The following GRIK2 variants were observed in gnomAD, a reference collection of about 807,000 sequenced individuals.
The protein encoded by GRIK2 is glutamate ionotropic receptor kainate type subunit 2.
In GRIK2, 32 loss-of-function variants were observed where a neutral mutation model predicts 100.3. That is an observed-to-expected ratio of 0.32 (90% CI 0.24 to 0.43). The LOEUF (loss-of-function observed/expected upper bound fraction) is 0.43. GRIK2 is among the 20% of genes least tolerant of loss of function. GRIK2 has a pLI of 1.00. For missense variants in GRIK2, 843 were observed against 1,114.9 expected (o/e 0.76, Z 3.47); for synonymous variants, 417 against 389.4 (o/e 1.07, Z -0.83).
chr6:101,702,261 A>T lies in GRIK2; in HGVS notation c.951+15908A>T, dbSNP rs539060912. Among the ~76,000 whole-genome samples, 90 of 152,148 alleles carry T rather than the reference A, an allele frequency of 5.9e-4. No homozygotes were observed. The South Asian group carries it at 0.018, about 30-fold the overall frequency. On this transcript the variant is annotated intron_variant, in intron 7 of 16. Transcript: ENST00000369134. Reference sequence around the variant, plus strand: ...ACTTAAAAGAAACAAGTTGAAAATCATGGATAATCCATTATGTTTGGAGCT... The same window carrying T: ...ACTTAAAAGAAACAAGTTGAAAATCTTGGATAATCCATTATGTTTGGAGCT...
chr6:101,811,852 AAAG>A (rs1025568556), intron 9 of GRIK2, among the ~76,000 whole-genome samples: 34 of 151,766 alleles, frequency 2.2e-4, no homozygotes, highest in Admixed American at 9.2e-4. Flanking sequence ...AATAAACAAT[AAAG>A]AAGCAACTAA....
At chr6:101,557,726 A>G (rs1293399367) in intron 2 of GRIK2, among the ~76,000 whole-genome samples, 1 of 152,076 alleles carries the variant, frequency 6.6e-6, no homozygotes, top group Non-Finnish European at 1.5e-5. Flanking sequence ...TTCTACTGAG[A>G]TACTTTCTTT....
intron 16 of GRIK2, among the ~76,000 whole-genome samples, chr6:102,057,851 G>A (rs1389541523): frequency 6.6e-6 from 1 of 151,524 alleles, no homozygotes; most frequent in East Asian, 1.9e-4. Flanking sequence ...ATTTTACCTT[G>A]CAAACTCTCA....
chr6:101,666,172 C>A (rs1168714111), intron 4 of GRIK2, among the ~76,000 whole-genome samples: 2 of 152,098 alleles, frequency 1.3e-5, no homozygotes, highest in Non-Finnish European at 2.9e-5. Flanking sequence ...CTCATGGATA[C>A]AATTTATAGC....
At chr6:101,917,929 A>G (rs540485471) in intron 12 of GRIK2, among the ~76,000 whole-genome samples, 16 of 151,582 alleles carry the variant, frequency 1.1e-4, no homozygotes, top group African/African-American at 3.9e-4. Flanking sequence ...TATTCCTCGT[A>G]CTAGAATGTT....
At chr6:101,941,521 A>G (rs1409087561) in intron 14 of GRIK2, among the ~76,000 whole-genome samples, 1 of 152,114 alleles carries the variant, frequency 6.6e-6, no homozygotes, top group East Asian at 1.9e-4. Context: ...AGTAAAAAAA[A>G]GAAACAAGGA....
At chr6:101,864,426 A>T (rs192278817) in intron 11 of GRIK2, among the ~76,000 whole-genome samples, 393 of 152,222 alleles carry the variant, frequency 2.6e-3, no homozygotes, top group Middle Eastern at 6.8e-3. Context: ...ATAAATACAA[A>T]TTTTTCCTTT....
intron 2 of GRIK2, among the ~76,000 whole-genome samples, chr6:101,620,986 G>A (rs1281322931): frequency 6.6e-6 from 1 of 152,104 alleles, no homozygotes; most frequent in Non-Finnish European, 1.5e-5. Context: ...ATACTCTATG[G>A]CCAAAATTAT....
At chr6:101,938,898 G>A (rs188320505) in intron 14 of GRIK2, among the ~76,000 whole-genome samples, 232 of 152,082 alleles carry the variant, frequency 1.5e-3, no homozygotes, top group African/African-American at 5.5e-3. Context: ...TTATGCTTCT[G>A]ATTGTCATTA....
chr6:101,468,708 T>A (rs930169381), intron 2 of GRIK2, among the ~76,000 whole-genome samples: 5 of 152,172 alleles, frequency 3.3e-5, no homozygotes, highest in Non-Finnish European at 7.4e-5. Context: ...GATCCTAGTA[T>A]AACTTAACAA....
At chr6:102,023,742 G>A (rs767669716) in intron 14 of GRIK2, among the ~76,000 whole-genome samples, 1 of 151,502 alleles carries the variant, frequency 6.6e-6, no homozygotes, top group Non-Finnish European at 1.5e-5. Flanking sequence ...ATGCTGTGCT[G>A]CTTCAGATTC....
Position 102,069,337 on chromosome 6 carries a change from T to A in GRIK2, c.*826T>A, listed in dbSNP as rs1043659995. ...ATAATAATAATAATAATAATAATAA[T>A]AAAAGCAGTTGGTTCAGTGATTCTG... On this transcript the variant is annotated 3_prime_UTR_variant, in exon 17 of 17. Transcript: ENST00000369134. 2.8e-5 allele frequency: 4 copies of A among 141,494 alleles called. No homozygotes were observed. Among genetic ancestry groups the A allele is most frequent in the Admixed American group, 7.1e-5 (1 of 14,104 alleles). The allele number at this position is 141,494 out of a possible 1,614,324, so 8.8% of individuals were successfully genotyped here. A position where few individuals can be genotyped will look rare whatever the true frequency, so the allele number is the denominator to read the frequency against.
intron 2 of GRIK2, among the ~76,000 whole-genome samples, chr6:101,601,475 T>C (rs2128310210): frequency 6.6e-6 from 1 of 152,092 alleles, no homozygotes; most frequent in East Asian, 1.9e-4. Flanking sequence ...GAATCCCTCC[T>C]TCTTGATGTT....
intron 7 of GRIK2, among the ~76,000 whole-genome samples, chr6:101,720,892 G>C (rs1178640955): frequency 6.6e-6 from 1 of 151,876 alleles, no homozygotes; most frequent in African/African-American, 2.4e-5. Context: ...CAGAATCTTA[G>C]CATTTGCATT....
At chr6:101,690,894 A>G (rs945017631) in intron 7 of GRIK2, among the ~76,000 whole-genome samples, 8 of 152,228 alleles carry the variant, frequency 5.3e-5, no homozygotes, top group Non-Finnish European at 8.8e-5. Flanking sequence ...AGTCCTCCAG[A>G]TATTTTATAT....
chr6:101,405,025 A>T (rs367942821), intron 2 of GRIK2, among the ~76,000 whole-genome samples: 73 of 152,294 alleles, frequency 4.8e-4, no homozygotes, highest in Non-Finnish European at 8.5e-4. Flanking sequence ...GGCGATAAAG[A>T]CCATTTGGAT....
intron 2 of GRIK2, among the ~76,000 whole-genome samples, chr6:101,578,616 G>A (rs1417103354): frequency 6.6e-6 from 1 of 151,822 alleles, no homozygotes; most frequent in East Asian, 1.9e-4. Context: ...AGGTAGCCAG[G>A]AGGGGATAGA....
At chr6:101,646,346 T>C (rs1781527154) in intron 4 of GRIK2, among the ~76,000 whole-genome samples, 1 of 151,988 alleles carries the variant, frequency 6.6e-6, no homozygotes, top group South Asian at 2.1e-4. Flanking sequence ...GTGCATCTAG[T>C]TTAGCCAGGA....
intron 7 of GRIK2, among the ~76,000 whole-genome samples, chr6:101,714,079 G>A (rs1192931134): frequency 6.6e-6 from 1 of 151,692 alleles, no homozygotes; most frequent in Non-Finnish European, 1.5e-5. Context: ...GCAAAGAAAT[G>A]TATATTTTAG....
Sources: allele counts gnomAD v4.1 joint callset (sites outside exome capture counted in the v4.1 genomes callset), GRCh38; gene constraint gnomAD v4.1.1; transcripts MANE v1.5; gene names NCBI Gene and HGNC (gene_info 2026-07-23, HGNC 2026-07-21).